Variants in BAALC observed in about 807,000 individuals in gnomAD.
BAALC encodes brain and acute leukemia cytoplasmic protein.
A neutral mutation model predicts 15.5 loss-of-function variants in BAALC; 9 were observed. The observed-to-expected ratio is 0.58, with a 90% confidence interval of 0.35 to 1.02. The LOEUF (loss-of-function observed/expected upper bound fraction) is 1.02. Ranked by LOEUF, BAALC falls within the 50% of genes least tolerant of loss-of-function variation. The pLI is 0.02. For missense variants in BAALC, 201 were observed against 192.4 expected, an observed-to-expected ratio of 1.04 and a Z score of -0.27; for synonymous variants, 80 against 74.6, an observed-to-expected ratio of 1.07 and a Z score of -0.37.
In BAALC at chr8:103,140,941, AC is replaced by A. The variant is rs1250540759; in HGVS notation, c.45del (p.Tyr16ThrfsTer83). ...GSRADAIEPRYYESWTRETES... is the reference protein window; with the variant it reads ...GSRADAIEPRXYESWTRETES... ...CGGGCGGATGCCATCGAGCCCCGCT[AC>A]TACGAGAGCTGGACCCGGGAGACAG... is the stretch of plus-strand genomic sequence containing the variant. On this transcript the variant is annotated frameshift_variant, in exon 1 of 3. Coordinates refer to ENST00000309982, the MANE Select transcript of BAALC (RefSeq NM_024812.3). LOFTEE classifies it high-confidence loss of function. This position sits in a 1 kb window ranked among gnomAD's most constrained non-coding sequence, Gnocchi z 4.2. The A allele has an allele frequency of 6.5e-7, 1 of 1,535,992 alleles. No homozygotes were observed. Among genetic ancestry groups the A allele is most frequent in the African/African-American group, 1.4e-5 (1 of 70,100 alleles).
At chr8:103,167,797 G>A (rs919658727) in intron 1 of BAALC, among the ~76,000 whole-genome samples, 2 of 152,170 alleles carry the variant, frequency 1.3e-5, no homozygotes, top group South Asian at 2.1e-4. Context: ...GAGGAGCTTG[G>A]ACTTCATCCT....
At chr8:103,195,777 A>C (rs748079625) in intron 1 of BAALC, among the ~76,000 whole-genome samples, 4 of 152,228 alleles carry the variant, frequency 2.6e-5, no homozygotes, top group Non-Finnish European at 5.9e-5. Flanking sequence ...TTCTTCCTGC[A>C]GTGATGATAC....
chr8:103,199,573 C>A (rs940571490), intron 1 of BAALC, among the ~76,000 whole-genome samples: 2 of 151,818 alleles, frequency 1.3e-5, no homozygotes, highest in African/African-American at 4.8e-5. Context: ...AGAATTAAAA[C>A]AATTCAGTTG....
chr8:103,178,767 G>T (rs1254317844), intron 1 of BAALC, among the ~76,000 whole-genome samples: 2 of 151,372 alleles, frequency 1.3e-5, no homozygotes, highest in Non-Finnish European at 1.5e-5. Context: ...TGAGGCAAGA[G>T]AATTGCTTGA....
At chr8:103,201,482 G>T (rs981404812) in intron 1 of BAALC, among the ~76,000 whole-genome samples, 3 of 152,252 alleles carry the variant, frequency 2.0e-5, no homozygotes, top group Admixed American at 6.5e-5. Context: ...GAAGAGGAAG[G>T]AGGAGTTAGA....
intron 1 of BAALC, among the ~76,000 whole-genome samples, chr8:103,158,076 T>A (rs954956540): frequency 6.6e-6 from 1 of 152,210 alleles, no homozygotes; most frequent in Non-Finnish European, 1.5e-5. Flanking sequence ...ACAAACAACA[T>A]CTGCATGTTG....
At chr8:103,181,428 C>T (rs186855971) in intron 1 of BAALC, among the ~76,000 whole-genome samples, 10 of 152,134 alleles carry the variant, frequency 6.6e-5, no homozygotes, top group East Asian at 1.9e-4. Context: ...CCCACCACCA[C>T]GCCTGGCTAA....
At position 103,228,124 on chromosome 8, in the gene BAALC, A is replaced by G. The variant is rs1380647912; in HGVS notation, c.*25A>G. 6 of 1,465,618 alleles carry G rather than the reference A, an allele frequency of 4.1e-6. No individual in the cohort carries two copies. The highest frequency in any genetic ancestry group is 5.7e-6 in the Non-Finnish European group (6 of 1,046,406). The allele number at this position is 1,465,618 out of a possible 1,614,324, so 90.8% of individuals were successfully genotyped here. Reference sequence around the variant, plus strand: ...GCAGAGAGTCCAAGCAGAAGGGCAGATGGACTTCTTCAGTGTCCTTCACGG... The same window carrying G: ...GCAGAGAGTCCAAGCAGAAGGGCAGGTGGACTTCTTCAGTGTCCTTCACGG... On this transcript the variant is annotated 3_prime_UTR_variant, in exon 3 of 3. Transcript: ENST00000309982.
chr8:103,172,425 C>G, intron 1 of BAALC, among the ~76,000 whole-genome samples: 1 of 124,114 alleles, frequency 8.1e-6, no homozygotes, highest in East Asian at 2.5e-4. Context: ...GAGACAGAGT[C>G]TCGCTCTATT....
intron 2 of BAALC, among the ~76,000 whole-genome samples, chr8:103,224,549 T>C (rs1210511357): frequency 6.6e-6 from 1 of 152,114 alleles, no homozygotes; most frequent in East Asian, 1.9e-4. Context: ...AGGTAAAGGA[T>C]TGTGGAGACC....
intron 1 of BAALC, among the ~76,000 whole-genome samples, chr8:103,185,011 C>T (rs10113161): frequency 0.091 from 13,775 of 152,106 alleles, 809 homozygotes; most frequent in Non-Finnish European, 0.13. Flanking sequence ...GGCAGTGGAG[C>T]GGTGTTCTTG....
intron 1 of BAALC, among the ~76,000 whole-genome samples, chr8:103,175,386 A>T (rs902743157): frequency 6.6e-6 from 1 of 152,178 alleles, no homozygotes; most frequent in African/African-American, 2.4e-5. Flanking sequence ...TTATTTACTT[A>T]TGTTGTAATT....
At chr8:103,183,878 C>T (rs950520855) in intron 1 of BAALC, among the ~76,000 whole-genome samples, 4 of 152,186 alleles carry the variant, frequency 2.6e-5, no homozygotes, top group African/African-American at 9.7e-5. Context: ...GAAGTGTGTT[C>T]GTTTCCATTG....
chr8:103,178,646 C>A (rs1259178758), intron 1 of BAALC, among the ~76,000 whole-genome samples: 1 of 152,146 alleles, frequency 6.6e-6, no homozygotes, highest in African/African-American at 2.4e-5. Flanking sequence ...ATCACAAGGT[C>A]AGAAGTTCAA....
At chr8:103,183,217 G>A (rs1811765049) in intron 1 of BAALC, 3 of 643,384 alleles carry the variant, frequency 4.7e-6, no homozygotes, top group Non-Finnish European at 8.5e-6. Flanking sequence ...GAGTGAAAAT[G>A]GCTGTTGGGT....
At chr8:103,216,150 C>G (rs894733276) in intron 2 of BAALC, among the ~76,000 whole-genome samples, 9 of 152,200 alleles carry the variant, frequency 5.9e-5, no homozygotes, top group Non-Finnish European at 1.3e-4. Flanking sequence ...TATGAATACA[C>G]TGCAATTTAC....
At chr8:103,152,236 C>G (rs907328093) in intron 1 of BAALC, among the ~76,000 whole-genome samples, 1 of 152,140 alleles carries the variant, frequency 6.6e-6, no homozygotes, top group Non-Finnish European at 1.5e-5. Context: ...TGCTGATTTT[C>G]CAGCATGATT....
At chr8:103,162,329 T>C (rs924457139) in intron 1 of BAALC, among the ~76,000 whole-genome samples, 12 of 152,214 alleles carry the variant, frequency 7.9e-5, no homozygotes, top group African/African-American at 2.9e-4. Context: ...CTGAGATATT[T>C]TGAAAAGCAA....
At chr8:103,150,667 T>G (rs979154641) in intron 1 of BAALC, among the ~76,000 whole-genome samples, 1 of 152,232 alleles carries the variant, frequency 6.6e-6, no homozygotes, top group East Asian at 1.9e-4. Context: ...TGCCTACCAG[T>G]CTTCACTTGT....
Sources: allele counts gnomAD v4.1 joint callset (sites outside exome capture counted in the v4.1 genomes callset), GRCh38; gene constraint gnomAD v4.1.1; non-coding constraint Gnocchi (gnomAD v3.1); transcripts MANE v1.5; gene names NCBI Gene and HGNC (gene_info 2026-07-23, HGNC 2026-07-21).